CNTNAP5: variants seen among roughly 807,000 people sequenced by gnomAD.
CNTNAP5 encodes contactin-associated protein-like 5.
Under a neutral mutation model 150.2 loss-of-function variants are expected in CNTNAP5, and 72 were observed. That is an observed-to-expected ratio of 0.48 (90% CI 0.40 to 0.58). CNTNAP5 has a LOEUF of 0.58. CNTNAP5 is among the 20% of genes least tolerant of loss of function. The pLI is 0.00. For missense variants in CNTNAP5, 1,636 were observed against 1,626.2 expected (o/e 1.01, Z -0.10); for synonymous variants, 672 against 619.8 (o/e 1.08, Z -1.25).
chr2:124,901,346 A>T (rs1186376676), intron 21 of CNTNAP5, among the ~76,000 whole-genome samples: 1 of 149,492 alleles, frequency 6.7e-6, no homozygotes, highest in African/African-American at 2.6e-5. Context: ...AAACAGGAAG[A>T]TAATCCTGTA....
chr2:124,407,264 AT>A (rs1421352652), intron 3 of CNTNAP5, among the ~76,000 whole-genome samples: 1 of 152,162 alleles, frequency 6.6e-6, no homozygotes, highest in African/African-American at 2.4e-5. Flanking sequence ...CCTGGCATCA[AT>A]TTCTTCTACT....
chr2:124,311,255 G>A (rs1462852654), intron 3 of CNTNAP5, among the ~76,000 whole-genome samples: 1 of 152,076 alleles, frequency 6.6e-6, no homozygotes, highest in Non-Finnish European at 1.5e-5. Flanking sequence ...TTAAACAATA[G>A]AAATTTATAT....
chr2:124,885,389 A>G (rs979684067), intron 21 of CNTNAP5, among the ~76,000 whole-genome samples: 1 of 152,006 alleles, frequency 6.6e-6, no homozygotes, highest in Non-Finnish European at 1.5e-5. Flanking sequence ...AGCCTGCTCA[A>G]TTTGACACAT....
At chr2:124,172,405 CT>C (rs1393770877) in intron 1 of CNTNAP5, among the ~76,000 whole-genome samples, 1 of 151,740 alleles carries the variant, frequency 6.6e-6, no homozygotes, top group Non-Finnish European at 1.5e-5. Context: ...TATCATGGTC[CT>C]TTTCTCTTTT....
chr2:124,658,898 T>G (rs1211169258), intron 13 of CNTNAP5, among the ~76,000 whole-genome samples: 3 of 152,342 alleles, frequency 2.0e-5, no homozygotes, highest in Admixed American at 6.5e-5. Context: ...GGGCCATGGC[T>G]AGATACTAGA....
Position 124,674,509 on chromosome 2 carries a change from C to CTCTTTCTTTCTTTCTT in CNTNAP5, c.2077+26580_2077+26595dup, listed in dbSNP as rs768888927. Among the ~76,000 whole-genome samples the CTCTTTCTTTCTTTCTT allele has an allele frequency of 8.5e-3, 982 of 115,348 alleles. 8 individuals are homozygous for CTCTTTCTTTCTTTCTT. The highest frequency in any genetic ancestry group is 9.8e-3 in the Non-Finnish European group (542 of 55,076). The allele number at this position is 115,348 out of a possible 152,430, so 75.7% of individuals were successfully genotyped here. A position where few individuals can be genotyped will look rare whatever the true frequency, so the allele number is the denominator to read the frequency against. Reference sequence around the variant, plus strand: ...CCCTCTCTACTTCCTTTCTTTCTTTCTCTTTCTTTCTTTCTTTCTTTCTTT... The same window carrying CTCTTTCTTTCTTTCTT: ...CCCTCTCTACTTCCTTTCTTTCTTTCTCTTTCTTTCTTTCTTTCTTTCTTTCTTTCTTTCTTTCTTT... On this transcript the variant is annotated intron_variant, in intron 13 of 23. Transcript: ENST00000682447.
At chr2:124,386,345 A>G (rs1690926248) in intron 3 of CNTNAP5, among the ~76,000 whole-genome samples, 1 of 152,070 alleles carries the variant, frequency 6.6e-6, no homozygotes, top group Non-Finnish European at 1.5e-5. Flanking sequence ...AGAATCACAG[A>G]CTCTACATTA....
intron 12 of CNTNAP5, among the ~76,000 whole-genome samples, chr2:124,641,246 G>A (rs1678087864): frequency 6.6e-6 from 1 of 151,904 alleles, no homozygotes; most frequent in African/African-American, 2.4e-5. Flanking sequence ...ACTGCACAAT[G>A]AGTTATGCCG....
rs944126293 is a variant in CNTNAP5 at position 124,432,870 on chromosome 2, T to C, written c.530-1614T>C. On this transcript the variant is annotated intron_variant, in intron 4 of 23. Coordinates refer to ENST00000682447, the MANE Select transcript of CNTNAP5 (RefSeq NM_001367498.1). ...AGTGGCCTTGATAGGAACTAAAAGA[T>C]TCCTGTTATTTCAATTACTACTAAT... Among the ~76,000 whole-genome samples the C allele has an allele frequency of 1.8e-4, 27 of 152,286 alleles. 1 individual carries two copies. Among genetic ancestry groups the C allele is most frequent in the Middle Eastern group, 6.8e-3 (2 of 294 alleles).
At chr2:124,057,406 C>T (rs529702630) in intron 1 of CNTNAP5, among the ~76,000 whole-genome samples, 86 of 149,286 alleles carry the variant, frequency 5.8e-4, no homozygotes, top group African/African-American at 2.0e-3. Context: ...CTCACCCTCC[C>T]GAGTAGCTGG....
chr2:124,205,777 G>T (rs561918330), intron 1 of CNTNAP5, among the ~76,000 whole-genome samples: 2 of 152,192 alleles, frequency 1.3e-5, no homozygotes, highest in Non-Finnish European at 2.9e-5. Flanking sequence ...AATACAGAGA[G>T]AATTCTCTTT....
chr2:124,706,937 AAGAAGG>A lies in CNTNAP5; in HGVS notation c.2078-40289_2078-40284del, dbSNP rs1440065865. ...GGAGGAGAAGAAGAAGAAGAAGAAG[AAGAAGG>A]AGGAGGAGGAGGAGGAGGAGGAGAA... On this transcript the variant is annotated intron_variant, in intron 13 of 23. Transcript: ENST00000682447. Among the ~76,000 whole-genome samples, 14 of 101,018 alleles carry A rather than the reference AAGAAGG, an allele frequency of 1.4e-4. 1 individual carries two copies. Among genetic ancestry groups the A allele is most frequent in the East Asian group, 3.5e-4 (1 of 2,864 alleles). The allele number at this position is 101,018 out of a possible 152,430, so 66.3% of individuals were successfully genotyped here. A position where few individuals can be genotyped will look rare whatever the true frequency, so the allele number is the denominator to read the frequency against.
At chr2:124,865,042 T>C (rs1210648268) in intron 19 of CNTNAP5, among the ~76,000 whole-genome samples, 1 of 151,804 alleles carries the variant, frequency 6.6e-6, no homozygotes, top group Non-Finnish European at 1.5e-5. Flanking sequence ...AGATGTTTTA[T>C]TTTCTAAACT....
chr2:124,275,883 T>C (rs1284367581), intron 3 of CNTNAP5, among the ~76,000 whole-genome samples: 2 of 152,164 alleles, frequency 1.3e-5, no homozygotes, highest in Non-Finnish European at 2.9e-5. Context: ...AACAGACTTG[T>C]ACCTGGTCAT....
rs751151194 is a variant in CNTNAP5, at chr2:124,446,851, G to A, written c.832G>A (p.Gly278Ser). 1.9e-6 allele frequency: 3 copies of A among 1,613,748 alleles called. No individual in the cohort carries two copies. Among genetic ancestry groups the A allele is most frequent in the African/African-American group, 1.3e-5 (1 of 74,886 alleles). The change falls in exon 6 of 24, where the codon GGC becomes AGC. Residue 278 changes from glycine (G) to serine (S), a missense_variant. By Grantham distance (56) the Gly-to-Ser change is moderately conservative. Coordinates refer to ENST00000682447, the MANE Select transcript of CNTNAP5 (RefSeq NM_001367498.1). ...GCACTCGGTCCTCATTGAGCGGGTG[G>A]GCAAGCAGGTGAACTTCACGGTGGA... ...HWHSVLIERV[G>S]KQVNFTVDKH...
Position 124,285,097 on chromosome 2 carries a change from C to T in CNTNAP5, c.381+42704C>T, listed in dbSNP as rs577006380. On this transcript the variant is annotated intron_variant, in intron 3 of 23. Transcript: ENST00000682447. Reference sequence around the variant, plus strand: ...AGTTCTTGGAGTGTGAATATGCATTCAATAGTTTGGATGTGTTTCTGTTTT... The same window carrying T: ...AGTTCTTGGAGTGTGAATATGCATTTAATAGTTTGGATGTGTTTCTGTTTT... 7.9e-5 allele frequency among the ~76,000 whole-genome samples: 12 copies of T among 152,220 alleles called. No individual in the cohort carries two copies. The South Asian group carries it at 2.3e-3, about 29-fold the overall frequency.
chr2:124,191,041 A>T (rs559516010), intron 1 of CNTNAP5, among the ~76,000 whole-genome samples: 32 of 152,250 alleles, frequency 2.1e-4, no homozygotes, highest in African/African-American at 7.7e-4. Context: ...GACATATTTT[A>T]TTGGAACAAA....
intron 13 of CNTNAP5, among the ~76,000 whole-genome samples, chr2:124,656,060 C>CAAA (rs35504704): frequency 8.1e-6 from 1 of 123,430 alleles, no homozygotes; most frequent in East Asian, 2.7e-4. Context: ...GACTTTATCT[C>CAAA]AAAAAAAAAA....
At chr2:124,524,979 C>A (rs989068003) in intron 9 of CNTNAP5, among the ~76,000 whole-genome samples, 1 of 152,114 alleles carries the variant, frequency 6.6e-6, no homozygotes, top group Non-Finnish European at 1.5e-5. Context: ...TTAGGAGGCC[C>A]ATGAATTTGT....
Sources: allele counts gnomAD v4.1 joint callset (sites outside exome capture counted in the v4.1 genomes callset), GRCh38; gene constraint gnomAD v4.1.1; transcripts MANE v1.5; gene names NCBI Gene and HGNC (gene_info 2026-07-23, HGNC 2026-07-21).